Variants in TSHZ3 observed in about 807,000 individuals in gnomAD.
TSHZ3 encodes teashirt zinc finger homeobox 3.
In TSHZ3, 10 loss-of-function variants were observed where a neutral mutation model predicts 64.5. The observed-to-expected ratio is 0.16, with a 90% CI of 0.10 to 0.26. TSHZ3 has a LOEUF of 0.26. Ranked by LOEUF, TSHZ3 falls within the 10% of genes least tolerant of loss-of-function variation. TSHZ3 has a pLI of 1.00. For missense variants in TSHZ3, 1,242 were observed against 1,421.7 expected (o/e 0.87, Z 2.03); for synonymous variants, 608 against 593.1 (o/e 1.03, Z -0.36).
intron 1 of TSHZ3, among the ~76,000 whole-genome samples, chr19:31,316,910 C>T (rs1183321139): frequency 6.6e-6 from 1 of 152,150 alleles, no homozygotes; most frequent in African/African-American, 2.4e-5. Flanking sequence ...GTCACATATG[C>T]TCCGGCCAAA....
chr19:31,190,506 C>G (rs1701178275), intron 5 of TSHZ3, among the ~76,000 whole-genome samples: 3 of 152,110 alleles, frequency 2.0e-5, no homozygotes, highest in Non-Finnish European at 2.9e-5. Flanking sequence ...CCCACTCTAA[C>G]AAAGCCTAAA....
intron 1 of TSHZ3, among the ~76,000 whole-genome samples, chr19:31,319,967 C>A (rs761748636): frequency 1.3e-5 from 2 of 151,994 alleles, no homozygotes; most frequent in Non-Finnish European, 2.9e-5. Flanking sequence ...GAGTTTCTTG[C>A]CAAATCATCC....
At chr19:31,285,904 G>A (rs1252099595) in intron 1 of TSHZ3, among the ~76,000 whole-genome samples, 1 of 151,500 alleles carries the variant, frequency 6.6e-6, no homozygotes, top group African/African-American at 2.4e-5. Flanking sequence ...TCTGCTGCCA[G>A]CTCCCATGGA....
At position 31,309,851 on chromosome 19, in the gene TSHZ3, G is replaced by A. The variant is rs149821430; in HGVS notation, c.41-30099C>T. 2.5e-3 allele frequency among the ~76,000 whole-genome samples: 382 copies of A among 152,094 alleles called. 2 individuals are homozygous for A. The highest frequency in any genetic ancestry group is 8.6e-3 in the African/African-American group (357 of 41,496). Reference sequence around the variant, plus strand: ...CTCTCCATGTTCCCATCCTGCTCACGGTCATTTCCATCATGGTACCCACGT... The same window carrying A: ...CTCTCCATGTTCCCATCCTGCTCACAGTCATTTCCATCATGGTACCCACGT... On this transcript the variant is annotated intron_variant, in intron 1 of 1. Transcript: ENST00000240587.
intron 1 of TSHZ3, among the ~76,000 whole-genome samples, chr19:31,316,298 T>C (rs1916600828): frequency 2.0e-5 from 3 of 152,216 alleles, no homozygotes; most frequent in Non-Finnish European, 2.9e-5. Flanking sequence ...GAGAACTCCA[T>C]TGTGTTTTCT....
chr19:31,327,620 A>T (rs1826365572), intron 1 of TSHZ3, among the ~76,000 whole-genome samples: 1 of 152,244 alleles, frequency 6.6e-6, no homozygotes, highest in Admixed American at 6.5e-5. Flanking sequence ...ATATACATAC[A>T]TATGTAAGAA....
At position 31,278,695 on chromosome 19, in the gene TSHZ3, G is replaced by A. The variant is rs746799556; in HGVS notation, c.1098C>T (p.Tyr366=). Residue 366 remains tyrosine, a synonymous_variant, in exon 2 of 2, where the codon TAC becomes TAT. Transcript: ENST00000240587. This position sits in a 1 kb window ranked among gnomAD's most constrained non-coding sequence, Gnocchi z 4.7. ...SNPYITPNNR[Y]GHQNGASYAW... ...CATAGCTGGCCCCATTCTGGTGGCC[G>A]TACCGATTATTTGGCGTGATGTAAG... 17 of 1,614,162 alleles carry A rather than the reference G, an allele frequency of 1.1e-5. No homozygotes were observed. Among genetic ancestry groups the A allele is most frequent in the East Asian group, 8.9e-5 (4 of 44,856 alleles).
intron 1 of TSHZ3, among the ~76,000 whole-genome samples, chr19:31,330,593 G>A (rs1452264801): frequency 1.3e-5 from 2 of 152,104 alleles, no homozygotes; most frequent in African/African-American, 4.8e-5. Context: ...CCAGCCACAG[G>A]GAATGGCGGG....
At chr19:31,285,638 G>T (rs1976446325) in intron 1 of TSHZ3, among the ~76,000 whole-genome samples, 2 of 151,084 alleles carry the variant, frequency 1.3e-5, no homozygotes, top group Admixed American at 6.6e-5. Context: ...CAAAAAATCA[G>T]CCAGGCATGG....
At chr19:31,178,066 C>T (rs1974640646) in intron 5 of TSHZ3, among the ~76,000 whole-genome samples, 1 of 152,206 alleles carries the variant, frequency 6.6e-6, no homozygotes, top group African/African-American at 2.4e-5. Flanking sequence ...TCATGTCAAT[C>T]TCACAGCAGG....
rs573383670 is a variant in TSHZ3 at position 31,279,845 on chromosome 19, T to A, written c.41-93A>T. 1 of 1,153,312 alleles carries A rather than the reference T, an allele frequency of 8.7e-7. No individual in the cohort carries two copies. Among genetic ancestry groups the A allele is most frequent in the Non-Finnish European group, 1.2e-6 (1 of 862,046 alleles). 71.4% of individuals were successfully genotyped at this position (1,153,312 alleles called of 1,614,324 possible). ...GAAAGAAAAAAAAAAGCATTAGTAC[T>A]TGTTGATCTTACCTAGAATATGTTC... On this transcript the variant is annotated intron_variant, in intron 1 of 1. Transcript: ENST00000240587. The surrounding 1 kb of genome is among the most constrained non-coding windows in gnomAD (Gnocchi z 6.4).
rs71173962 is a variant in TSHZ3, at chr19:31,349,284, AG to A, written c.-66del. The A allele has an allele frequency of 1, 1,458,988 of 1,459,064 alleles. 729,456 individuals carry two copies. Among genetic ancestry groups the A allele is most frequent in the Middle Eastern group, 1 (4,288 of 4,288 alleles). 90.4% of individuals were successfully genotyped at this position (1,459,064 alleles called of 1,614,324 possible). On this transcript the variant is annotated 5_prime_UTR_variant, in exon 1 of 2. Transcript: ENST00000240587. ...GCTGCCGGGCTGAGGACAGGGAGGG[AG>A]GGGGCGGCGGGCCCGCGGGGGGGCG... is the stretch of plus-strand genomic sequence containing the variant.
intron 5 of TSHZ3, among the ~76,000 whole-genome samples, chr19:31,171,925 A>T (rs1378818112): frequency 6.6e-6 from 1 of 152,140 alleles, no homozygotes; most frequent in East Asian, 1.9e-4. Flanking sequence ...GGTATTAGAG[A>T]TCTGAGTAAC....
In TSHZ3 at chr19:31,277,140, A is replaced by T. The variant is rs372891579; in HGVS notation, c.2653T>A (p.Ser885Thr). The part of the protein sequence containing the change: ...DGATLEEAEE[S>T]TPAQKRKGRQ... ...CCCTTCCTCTTCTGGGCGGGCGTCGACTCCTCAGCCTCCTCCAGAGTGGCC... is the reference window on the plus strand; with the variant it reads ...CCCTTCCTCTTCTGGGCGGGCGTCGTCTCCTCAGCCTCCTCCAGAGTGGCC... Residue 885 changes from serine (S) to threonine (T), a missense_variant, in exon 2 of 2, where the codon TCG becomes ACG. By Grantham distance (58) the Ser-to-Thr change is moderately conservative. This residue lies in a region of TSHZ3 where 550 missense variants were observed against 545.1 expected (regional missense o/e 1.01). Coordinates refer to ENST00000240587, the MANE Select transcript of TSHZ3 (RefSeq NM_020856.4). This position sits in a 1 kb window ranked among gnomAD's most constrained non-coding sequence, Gnocchi z 4.5. 6.2e-7 allele frequency: 1 copy of T among 1,606,138 alleles called. No homozygotes were observed. Among genetic ancestry groups the T allele is most frequent in the Non-Finnish European group, 8.5e-7 (1 of 1,175,498 alleles).
intron 1 of TSHZ3, among the ~76,000 whole-genome samples, chr19:31,298,063 CCTGTCA>C (rs532104378): frequency 1.3e-5 from 2 of 152,152 alleles, no homozygotes; most frequent in Non-Finnish European, 2.9e-5. Flanking sequence ...TCCTAGGTCA[CCTGTCA>C]CTCCTCAGGA....
At chr19:31,268,883 G>A (rs191849257) in intron 1 of TSHZ3, among the ~76,000 whole-genome samples, 1 of 152,196 alleles carries the variant, frequency 6.6e-6, no homozygotes, top group East Asian at 1.9e-4. Flanking sequence ...AACACAGGGA[G>A]GGGAAAATTC....
intron 1 of TSHZ3, among the ~76,000 whole-genome samples, chr19:31,338,578 T>C (rs182975470): frequency 1.5e-5 from 2 of 136,296 alleles, no homozygotes; most frequent in Admixed American, 1.5e-4. Flanking sequence ...TTCTTTTTTT[T>C]TTCTTTTTTT....
chr19:31,210,241 T>TC (rs1403886598), intron 4 of TSHZ3, among the ~76,000 whole-genome samples: 2 of 152,088 alleles, frequency 1.3e-5, no homozygotes, highest in Non-Finnish European at 2.9e-5. Context: ...GGAGGGACTC[T>TC]CAAGAAAAGC....
chr19:31,311,348 C>T (rs937763187), intron 1 of TSHZ3, among the ~76,000 whole-genome samples: 20 of 152,186 alleles, frequency 1.3e-4, no homozygotes, highest in Admixed American at 7.9e-4. Flanking sequence ...CAAGAGCATT[C>T]GTGTCTGGGG....
Sources: allele counts gnomAD v4.1 joint callset (sites outside exome capture counted in the v4.1 genomes callset), GRCh38; gene constraint gnomAD v4.1.1; regional missense constraint gnomAD v4.1.1; non-coding constraint Gnocchi (gnomAD v3.1); transcripts MANE v1.5; gene names NCBI Gene and HGNC (gene_info 2026-07-23, HGNC 2026-07-21).